Variants in XKR6 observed in about 807,000 individuals in gnomAD.
XKR6 encodes XK related 6.
A neutral mutation model predicts 56.7 loss-of-function variants in XKR6; 22 were observed. The observed-to-expected ratio is 0.39, with a 90% CI of 0.28 to 0.55. The LOEUF (loss-of-function observed/expected upper bound fraction) is 0.55, where lower values mean the gene tolerates loss of function less well. XKR6 is among the 20% of genes least tolerant of loss of function. The pLI is 0.66. For missense variants in XKR6, 852 were observed against 889.0 expected, an observed-to-expected ratio of 0.96 and a Z score of 0.53; for synonymous variants, 524 against 387.8, an observed-to-expected ratio of 1.35 and a Z score of -4.13.
chr8:11,157,937 A>G (rs1027554374), intron 1 of XKR6, among the ~76,000 whole-genome samples: 4 of 152,226 alleles, frequency 2.6e-5, no homozygotes, highest in Non-Finnish European at 5.9e-5. Flanking sequence ...GCGGCATTAG[A>G]TATGTTATAA....
chr8:10,984,899 T>C (rs185375073), intron 1 of XKR6, among the ~76,000 whole-genome samples: 1 of 151,928 alleles, frequency 6.6e-6, no homozygotes, highest in Non-Finnish European at 1.5e-5. Context: ...ATAAATTTAA[T>C]ATGATCCCAA....
intron 1 of XKR6, among the ~76,000 whole-genome samples, chr8:10,952,161 T>C (rs1235495445): frequency 1.3e-5 from 2 of 152,088 alleles, no homozygotes; most frequent in African/African-American, 4.8e-5. Flanking sequence ...CCCACCTGCC[T>C]CAGAGGCTGC....
At chr8:11,093,605 C>A (rs1798157556) in intron 1 of XKR6, among the ~76,000 whole-genome samples, 1 of 151,972 alleles carries the variant, frequency 6.6e-6, no homozygotes, top group Admixed American at 6.6e-5. Flanking sequence ...CTCTAAGATG[C>A]CTTCAAATTT....
At chr8:11,046,083 G>A (rs768188173) in intron 1 of XKR6, among the ~76,000 whole-genome samples, 1 of 151,964 alleles carries the variant, frequency 6.6e-6, no homozygotes, top group Non-Finnish European at 1.5e-5. Flanking sequence ...CCACTTCCGG[G>A]TATATACCCA....
At chr8:11,093,644 G>C (rs1309618392) in intron 1 of XKR6, among the ~76,000 whole-genome samples, 2 of 123,214 alleles carry the variant, frequency 1.6e-5, no homozygotes. Context: ...TTAAATATTG[G>C]AAAAGGATAT....
chr8:11,152,349 G>A (rs950274657), intron 1 of XKR6, among the ~76,000 whole-genome samples: 1 of 152,186 alleles, frequency 6.6e-6, no homozygotes, highest in African/African-American at 2.4e-5. Context: ...TGGGCATGTT[G>A]CTGGCCTTAT....
At chr8:10,900,486 C>T (rs1800003928) in intron 2 of XKR6, among the ~76,000 whole-genome samples, 1 of 152,120 alleles carries the variant, frequency 6.6e-6, no homozygotes, top group South Asian at 2.1e-4. Context: ...CAGTATGGTG[C>T]AATAAAAAAA....
Position 11,200,364 on chromosome 8 carries a change from C to G in XKR6, c.764+212G>C, listed in dbSNP as rs1363302425. 1.3e-5 allele frequency among the ~76,000 whole-genome samples: 2 copies of G among 152,214 alleles called. No homozygotes were observed. The highest frequency in any genetic ancestry group is 3.9e-4 in the East Asian group (2 of 5,190). ...AGTGCGAAGCGGGGACGAGGACGGG[C>G]CAACGGCAGGTCTCGGCCTCCCCGG... On this transcript the variant is annotated intron_variant, in intron 1 of 2. Coordinates refer to ENST00000416569, the MANE Select transcript of XKR6 (RefSeq NM_173683.4). The surrounding 1 kb of genome is among the most constrained non-coding windows in gnomAD (Gnocchi z 6.4).
chr8:10,930,518 T>A (rs1237511235), intron 1 of XKR6, among the ~76,000 whole-genome samples: 1 of 152,002 alleles, frequency 6.6e-6, no homozygotes, highest in Non-Finnish European at 1.5e-5. Flanking sequence ...ACAGACAACA[T>A]CTCCCATAAA....
chr8:11,181,121 T>C (rs140547699), intron 1 of XKR6, among the ~76,000 whole-genome samples: 451 of 152,286 alleles, frequency 3.0e-3, no homozygotes, highest in Middle Eastern at 0.01. Flanking sequence ...GTTGGTAATG[T>C]TGCTTGGAAA....
chr8:10,996,960 C>T (rs747718724), intron 1 of XKR6, among the ~76,000 whole-genome samples: 9 of 152,088 alleles, frequency 5.9e-5, no homozygotes, highest in Admixed American at 1.3e-4. Context: ...TAGAGAGAGA[C>T]CCTGCGTTTA....
chr8:10,990,128 A>C (rs537682138), intron 1 of XKR6, among the ~76,000 whole-genome samples: 3 of 152,368 alleles, frequency 2.0e-5, no homozygotes, highest in African/African-American at 7.2e-5. Flanking sequence ...TATTAAAACA[A>C]GCAAACAAAA....
At chr8:10,988,113 C>T (rs1053045985) in intron 1 of XKR6, among the ~76,000 whole-genome samples, 3 of 152,228 alleles carry the variant, frequency 2.0e-5, no homozygotes, top group African/African-American at 7.2e-5. Flanking sequence ...TCCCCTTCAA[C>T]CACCTGCCAA....
chr8:11,046,002 T>C (rs1030584128), intron 1 of XKR6, among the ~76,000 whole-genome samples: 5 of 152,190 alleles, frequency 3.3e-5, no homozygotes, highest in African/African-American at 1.2e-4. Flanking sequence ...TGTAAAGTGG[T>C]GCAGCTGCTG....
At position 10,986,203 on chromosome 8, in the gene XKR6, G is replaced by A. The variant is rs58071332; in HGVS notation, c.765-61373C>T. On this transcript the variant is annotated intron_variant, in intron 1 of 2. Coordinates refer to ENST00000416569, the MANE Select transcript of XKR6 (RefSeq NM_173683.4). ...AGGAGTAGATTATTTAATAAGTGAT[G>A]GTGGCCCAGATGATTCGACATCTGG... is the stretch of plus-strand genomic sequence containing the variant. Among the ~76,000 whole-genome samples the A allele has an allele frequency of 5.3e-3, 800 of 152,244 alleles. 7 individuals carry two copies. Among genetic ancestry groups the A allele is most frequent in the African/African-American group, 0.019 (769 of 41,538 alleles).
At chr8:10,986,793 T>G (rs909438049) in intron 1 of XKR6, among the ~76,000 whole-genome samples, 1 of 152,104 alleles carries the variant, frequency 6.6e-6, no homozygotes, top group African/African-American at 2.4e-5. Context: ...TGTTTCTTTT[T>G]TTTTTTTAAG....
intron 2 of XKR6, among the ~76,000 whole-genome samples, chr8:10,902,783 G>A (rs188210608): frequency 4.9e-4 from 75 of 152,312 alleles, no homozygotes; most frequent in Admixed American, 1.6e-3. Flanking sequence ...TACAGGCCTC[G>A]TGCCCCTGAT....
intron 1 of XKR6, among the ~76,000 whole-genome samples, chr8:11,196,550 T>A (rs940054391): frequency 2.0e-5 from 3 of 152,268 alleles, no homozygotes; most frequent in Non-Finnish European, 4.4e-5. Context: ...AAAGTCATTT[T>A]GTTATGGTAT....
At chr8:11,108,133 T>C (rs1485616004) in intron 1 of XKR6, 1 of 357,068 alleles carries the variant, frequency 2.8e-6, no homozygotes, top group South Asian at 2.2e-5. Flanking sequence ...GACCCGTGTG[T>C]TGAAACACAT....
Sources: gnomAD v4.1 joint callset for allele counts (sites outside exome capture counted in the v4.1 genomes callset) on GRCh38, gnomAD v4.1.1 for gene constraint, Gnocchi (gnomAD v3.1) non-coding constraint, MANE v1.5 for transcripts, NCBI Gene and HGNC (gene_info 2026-07-23, HGNC 2026-07-21) for gene names.